The following CSNK1A1 variants were observed in gnomAD, a reference collection of about 807,000 sequenced individuals.
The protein encoded by CSNK1A1 is casein kinase 1 alpha 1, also known as casein kinase I isoform alpha.
In CSNK1A1, 7 loss-of-function variants were observed where a neutral mutation model predicts 46.1. That is an observed-to-expected ratio of 0.15 (90% CI 0.09 to 0.29). The LOEUF (loss-of-function observed/expected upper bound fraction) is 0.29. CSNK1A1 is among the 10% of genes least tolerant of loss of function. The pLI is 1.00. For synonymous variants in CSNK1A1, 137 were observed against 141.5 expected, an observed-to-expected ratio of 0.97 and a Z score of 0.23; for missense variants, 96 against 417.1, an observed-to-expected ratio of 0.23 and a Z score of 6.71.
intron 4 of CSNK1A1, among the ~76,000 whole-genome samples, chr5:149,516,177 G>A (rs558726366): frequency 3.9e-5 from 6 of 152,068 alleles, no homozygotes; most frequent in South Asian, 2.1e-4. Context: ...AAAATTAGCC[G>A]GGCATGGTGG....
At chr5:149,508,583 T>C (rs879660588) in intron 7 of CSNK1A1, among the ~76,000 whole-genome samples, 2 of 152,248 alleles carry the variant, frequency 1.3e-5, no homozygotes, top group Non-Finnish European at 1.5e-5. Flanking sequence ...ATTGCCTTTC[T>C]ATGAAGTTGA....
chr5:149,503,409 T>C (rs1561751646), intron 9 of CSNK1A1: 1 of 985,346 alleles, frequency 1.0e-6, no homozygotes, highest in Admixed American at 6.1e-5. Context: ...CTGTGTTCTG[T>C]GAAATGGCAC....
In CSNK1A1 at chr5:149,505,490, G is replaced by T. The variant is rs920864643; in HGVS notation, c.963C>A (p.Thr321=). 5 of 1,614,042 alleles carry T rather than the reference G, an allele frequency of 3.1e-6. No homozygotes were observed. Among genetic ancestry groups the T allele is most frequent in the Non-Finnish European group, 4.2e-6 (5 of 1,180,010 alleles). ...TTTTGTCAGTTTGCTTGCCTGTGGG[G>T]GTTTGGGCCTGCTGACCCTGCCCAC... ...SSSGQGQQAQ[T]PTGKQTDKTK... Residue 321 remains threonine, a synonymous_variant, in exon 9 of 10, where the codon ACC becomes ACA. Transcript: ENST00000377843.
chr5:149,550,776 C>T lies in CSNK1A1; in HGVS notation c.123+66G>A. 6.2e-7 allele frequency: 1 copy of T among 1,606,586 alleles called. No individual in the cohort carries two copies. ...GAGAGGCCCGAGCACTTTGGGGGTGCACGGTGGTGGTGGGGGGAATGAGTA... is the reference window on the plus strand; with the variant it reads ...GAGAGGCCCGAGCACTTTGGGGGTGTACGGTGGTGGTGGGGGGAATGAGTA... On this transcript the variant is annotated intron_variant, in intron 1 of 9. Coordinates refer to ENST00000377843, the MANE Select transcript of CSNK1A1 (RefSeq NM_001892.6). This position sits in a 1 kb window ranked among gnomAD's most constrained non-coding sequence, Gnocchi z 4.3.
intron 8 of CSNK1A1, among the ~76,000 whole-genome samples, 197 bp from the exon 9 acceptor site, chr5:149,505,792 T>C (rs1761002710): frequency 6.6e-6 from 1 of 152,186 alleles, no homozygotes; most frequent in South Asian, 2.1e-4. Flanking sequence ...CTGTCAGTTA[T>C]CTAGGGGAAT....
At chr5:149,547,541 ATTATG>A (rs1373671376) in intron 2 of CSNK1A1, among the ~76,000 whole-genome samples, 1 of 152,102 alleles carries the variant, frequency 6.6e-6, no homozygotes, top group Non-Finnish European at 1.5e-5. Flanking sequence ...TCTCAAAAAC[ATTATG>A]TTAAGTGAAA....
intron 9 of CSNK1A1, chr5:149,504,959 TGTTCACA>T: frequency 1.0e-6 from 1 of 985,602 alleles, no homozygotes; most frequent in Non-Finnish European, 1.2e-6. Context: ...AATTACAACA[TGTTCACA>T]ATTTTCCATT....
intron 2 of CSNK1A1, among the ~76,000 whole-genome samples, chr5:149,539,557 C>T (rs1762168282): frequency 6.6e-6 from 1 of 151,208 alleles, no homozygotes; most frequent in African/African-American, 2.4e-5. Flanking sequence ...AGTAGCAAAG[C>T]AAAAATTATT....
chr5:149,549,953 A>G, intron 2 of CSNK1A1, 122 bp downstream of exon 2: 2 of 1,171,792 alleles, frequency 1.7e-6, no homozygotes, highest in South Asian at 3.2e-5. Context: ...ACCACCAGCT[A>G]TAGGGAACCC....
At chr5:149,543,836 G>T (rs987511433) in intron 2 of CSNK1A1, among the ~76,000 whole-genome samples, 1 of 152,022 alleles carries the variant, frequency 6.6e-6, no homozygotes, top group Non-Finnish European at 1.5e-5. Flanking sequence ...GCTGTAGTGT[G>T]CTATTATCAT....
At chr5:149,549,392 C>G (rs1311961847) in intron 2 of CSNK1A1, 1 of 679,282 alleles carries the variant, frequency 1.5e-6, no homozygotes, top group African/African-American at 1.8e-5. Flanking sequence ...TCAACAATTT[C>G]GTGTCACATC....
rs544358505 is a variant in CSNK1A1 at position 149,507,736 on chromosome 5, G to C, written c.751-603C>G. 2.6e-3 allele frequency among the ~76,000 whole-genome samples: 400 copies of C among 152,252 alleles called. 1 individual carries two copies. The highest frequency in any genetic ancestry group is 3.2e-3 in the Non-Finnish European group (221 of 68,026). ...CCCTTGGCCTCCTTGGTCTCCCACAGTGCTGGGATTACAGGTGTGAGCCAC... is the reference window on the plus strand; with the variant it reads ...CCCTTGGCCTCCTTGGTCTCCCACACTGCTGGGATTACAGGTGTGAGCCAC... On this transcript the variant is annotated intron_variant, in intron 7 of 9. Coordinates refer to ENST00000377843, the MANE Select transcript of CSNK1A1 (RefSeq NM_001892.6).
At position 149,550,838 on chromosome 5, in the gene CSNK1A1, T is replaced by C. The variant is rs1451851799; in HGVS notation, c.123+4A>G. On this transcript the variant is annotated splice_donor_region_variant and intron_variant, in intron 1 of 9. Coordinates refer to ENST00000377843, the MANE Select transcript of CSNK1A1 (RefSeq NM_001892.6). The surrounding 1 kb of genome is among the most constrained non-coding windows in gnomAD (Gnocchi z 4.3). ...TTATCGTGAACCCCACCCCAGATGA[T>C]TACCTCGCCGTTGGTGATGTTGATC... is the stretch of plus-strand genomic sequence containing the variant. 7 of 1,613,896 alleles carry C rather than the reference T, an allele frequency of 4.3e-6. No homozygotes were observed. Among genetic ancestry groups the C allele is most frequent in the Non-Finnish European group, 5.9e-6 (7 of 1,179,868 alleles).
intron 2 of CSNK1A1, among the ~76,000 whole-genome samples, chr5:149,548,230 A>T (rs1261103805): frequency 6.6e-6 from 1 of 152,174 alleles, no homozygotes; most frequent in African/African-American, 2.4e-5. Context: ...TATGCAACCC[A>T]GTCCTTAATT....
chr5:149,502,713 A>G, intron 9 of CSNK1A1: 1 of 984,972 alleles, frequency 1.0e-6, no homozygotes, highest in Non-Finnish European at 1.2e-6. Flanking sequence ...GGATGTTTTC[A>G]TCATTATTAA....
intron 2 of CSNK1A1, chr5:149,545,783 T>A (rs6883553): frequency 0.25 from 143,663 of 575,602 alleles, 20,605 homozygotes; most frequent in African/African-American, 0.49. Flanking sequence ...TGTGGTGTGG[T>A]TCGTGGACTT....
rs183131679 is a variant in CSNK1A1, at chr5:149,503,533, A to T, written c.1006+1914T>A. On this transcript the variant is annotated intron_variant, in intron 9 of 9. Transcript: ENST00000377843. ...TTTTTCAAGTCCATGTTTATGTGAT[A>T]ATTTGTATGACCATTGTCTCTAATG... The T allele has an allele frequency of 2.8e-3, 2,721 of 985,160 alleles. 5 individuals carry two copies. The highest frequency in any genetic ancestry group is 3.1e-3 in the Non-Finnish European group (2,594 of 829,668). 61.0% of individuals were successfully genotyped at this position (985,160 alleles called of 1,614,324 possible).
At chr5:149,542,868 G>C (rs1222324225) in intron 2 of CSNK1A1, among the ~76,000 whole-genome samples, 5 of 149,242 alleles carry the variant, frequency 3.4e-5, no homozygotes, top group African/African-American at 1.2e-4. Context: ...GCTAATTTTT[G>C]TATTTCAGTA....
chr5:149,531,548 G>A (rs1406360635), intron 2 of CSNK1A1, among the ~76,000 whole-genome samples: 1 of 144,274 alleles, frequency 6.9e-6, no homozygotes, highest in African/African-American at 2.6e-5. Flanking sequence ...AAAAGAAAAA[G>A]AAAAAAAATC....
Sources: allele counts gnomAD v4.1 joint callset (sites outside exome capture counted in the v4.1 genomes callset), GRCh38; gene constraint gnomAD v4.1.1; non-coding constraint Gnocchi (gnomAD v3.1); transcripts MANE v1.5; gene names NCBI Gene and HGNC (gene_info 2026-07-23, HGNC 2026-07-21).